Variants in ZNF362 observed in about 807,000 individuals in gnomAD.
ZNF362 encodes the protein zinc finger protein 362.
In ZNF362, 11 loss-of-function variants were observed where a neutral mutation model predicts 42.9. The observed-to-expected ratio is 0.26, with a 90% CI of 0.16 to 0.42. ZNF362 has a LOEUF of 0.42. Ranked by LOEUF, ZNF362 falls within the 20% of genes least tolerant of loss-of-function variation. The pLI is 1.00. For synonymous variants in ZNF362, 255 were observed against 257.3 expected (o/e 0.99, Z 0.09); for missense variants, 362 against 576.2 (o/e 0.63, Z 3.81).
chr1:33,295,816 G>A (rs774695565), intron 8 of ZNF362, among the ~76,000 whole-genome samples: 34 of 152,144 alleles, frequency 2.2e-4, no homozygotes, highest in Non-Finnish European at 2.8e-4. Context: ...ACCCCCAGGC[G>A]AATCGCTTGA....
chr1:33,205,189 A>G, the ZNF362 span, among the ~76,000 whole-genome samples: 1 of 152,296 alleles, frequency 6.6e-6, no homozygotes, highest in South Asian at 2.1e-4. Context: ...AAATTCTAAA[A>G]AATGCAGAGA....
the ZNF362 span, among the ~76,000 whole-genome samples, chr1:33,246,401 C>T: frequency 6.1e-4 from 93 of 152,266 alleles, no homozygotes; most frequent in Non-Finnish European, 9.7e-4. Flanking sequence ...TTATGTGACC[C>T]GCTGGTCCCC....
At chr1:33,128,169 A>G in the ZNF362 span, among the ~76,000 whole-genome samples, 451 of 148,782 alleles carry the variant, frequency 3.0e-3, 13 homozygotes, top group East Asian at 0.078. Context: ...GTTCAAGACC[A>G]GCCCGGGTAA....
chr1:33,271,229 A>G (rs1265213550), intron 2 of ZNF362, among the ~76,000 whole-genome samples: 3 of 152,198 alleles, frequency 2.0e-5, no homozygotes. Context: ...CTCCAGCCTC[A>G]TCTCCCATCT....
the ZNF362 span, among the ~76,000 whole-genome samples, chr1:33,240,801 A>G: frequency 2.2e-4 from 33 of 152,290 alleles, no homozygotes; most frequent in African/African-American, 7.7e-4. Context: ...CCTGAGTACA[A>G]TTCTGACATT....
chr1:33,296,519 G>A (rs1646125585), intron 8 of ZNF362, among the ~76,000 whole-genome samples: 1 of 152,184 alleles, frequency 6.6e-6, no homozygotes, highest in African/African-American at 2.4e-5. Context: ...TGATAAAAGT[G>A]TGTTTTGAAA....
At chr1:33,163,868 GC>G in the ZNF362 span, 1 of 152,612 alleles carries the variant, frequency 6.6e-6, no homozygotes, top group Non-Finnish European at 1.5e-5. Flanking sequence ...AGGAAGTGGG[GC>G]TGGGGGAACT....
chr1:33,276,310 G>C, intron 3 of ZNF362, 38 bp from the exon 4 acceptor site: 2 of 1,538,622 alleles, frequency 1.3e-6, no homozygotes, highest in African/African-American at 1.4e-5. Flanking sequence ...GGCGGGAGGT[G>C]GTCCAGACCT....
At chr1:33,147,672 C>T in the ZNF362 span, 1,165 of 1,613,830 alleles carry the variant, frequency 7.2e-4, 11 homozygotes, top group African/African-American at 0.014. The surrounding 1 kb of genome is among the most constrained non-coding windows in gnomAD (Gnocchi z 8.1). Context: ...TGCAGTCGTC[C>T]GACAGGATCA....
In ZNF362 at chr1:33,280,531, A is replaced by G; in HGVS notation, c.683+74A>G. 2 of 1,472,274 alleles carry G rather than the reference A, an allele frequency of 1.4e-6. No individual in the cohort carries two copies. The highest frequency in any genetic ancestry group is 2.8e-5 in the South Asian group (2 of 72,640). 91.2% of individuals were successfully genotyped at this position (1,472,274 alleles called of 1,614,324 possible). On this transcript the variant is annotated intron_variant, in intron 5 of 8. Coordinates refer to ENST00000539719, the MANE Select transcript of ZNF362 (RefSeq NM_152493.3). The surrounding 1 kb of genome is among the most constrained non-coding windows in gnomAD (Gnocchi z 5.6). Reference sequence around the variant, plus strand: ...TGAGCCAGGGCTGCTCCAGGAGCCCAGCAGCGGGGCTGAAACAGGACCCTT... The same window carrying G: ...TGAGCCAGGGCTGCTCCAGGAGCCCGGCAGCGGGGCTGAAACAGGACCCTT...
the ZNF362 span, among the ~76,000 whole-genome samples, chr1:33,183,614 C>T: frequency 1.3e-5 from 2 of 152,190 alleles, no homozygotes; most frequent in Admixed American, 6.5e-5. Context: ...TCTCATTCCT[C>T]TTGCCAGTGA....
chr1:33,177,468 T>A, the ZNF362 span, among the ~76,000 whole-genome samples: 1 of 152,156 alleles, frequency 6.6e-6, no homozygotes, highest in East Asian at 1.9e-4. The surrounding 1 kb of genome is among the most constrained non-coding windows in gnomAD (Gnocchi z 4.1). Flanking sequence ...CATGTCAGGA[T>A]CTGACCCCTG....
chr1:33,128,120 T>C, the ZNF362 span, among the ~76,000 whole-genome samples: 1 of 151,430 alleles, frequency 6.6e-6, no homozygotes, highest in African/African-American at 2.4e-5. Context: ...TCCCAGCACT[T>C]TGGGAGGCCG....
At chr1:33,230,695 C>T in the ZNF362 span, among the ~76,000 whole-genome samples, 7 of 152,208 alleles carry the variant, frequency 4.6e-5, no homozygotes, top group Non-Finnish European at 7.3e-5. Context: ...TATACAGCAG[C>T]GCAAGCTGGA....
chr1:33,205,159 A>G, the ZNF362 span, among the ~76,000 whole-genome samples: 1 of 152,118 alleles, frequency 6.6e-6, no homozygotes, highest in South Asian at 2.1e-4. Context: ...GTGTATTTAC[A>G]AATGGATGAG....
chr1:33,297,803 C>T (rs1389788046), intron 8 of ZNF362, among the ~76,000 whole-genome samples: 3 of 152,178 alleles, frequency 2.0e-5, no homozygotes, highest in Admixed American at 1.3e-4. Flanking sequence ...CATGAGCCAC[C>T]GTGCCCAGCC....
chr1:33,252,631 G>A (rs552294468), upstream of ZNF362, among the ~76,000 whole-genome samples: 1 of 152,306 alleles, frequency 6.6e-6, no homozygotes, highest in East Asian at 1.9e-4. Flanking sequence ...TATTTGTGCA[G>A]AGCTGGGGTC....
the ZNF362 span, among the ~76,000 whole-genome samples, chr1:33,247,245 C>A: frequency 0.99 from 151,282 of 152,366 alleles, 75,113 homozygotes; most frequent in Middle Eastern, 1. Flanking sequence ...TGAACAAAGT[C>A]AAGTCTAGAA....
At chr1:33,168,784 G>T in the ZNF362 span, among the ~76,000 whole-genome samples, 4 of 151,716 alleles carry the variant, frequency 2.6e-5, no homozygotes, top group Non-Finnish European at 4.4e-5. Flanking sequence ...GGGACACAGT[G>T]TGGCTGAGAG....
Sources: gnomAD v4.1 joint callset for allele counts (sites outside exome capture counted in the v4.1 genomes callset) on GRCh38, gnomAD v4.1.1 for gene constraint, Gnocchi (gnomAD v3.1) non-coding constraint, MANE v1.5 for transcripts, NCBI Gene and HGNC (gene_info 2026-07-23, HGNC 2026-07-21) for gene names.